Variants in ACOXL observed in about 807,000 individuals in gnomAD.
The protein encoded by ACOXL is acyl-coenzyme A oxidase-like protein.
A neutral mutation model predicts 71.9 loss-of-function variants in ACOXL; 70 were observed. The observed-to-expected ratio is 0.97, with a 90% CI of 0.80 to 1.19. The LOEUF is 1.19. Ranked by LOEUF, ACOXL falls within the 50% of genes most tolerant of loss-of-function variation. The probability of loss-of-function intolerance (pLI) is 0.00; values close to 1 mark genes in which losing one functional copy is unlikely to be tolerated. For missense variants in ACOXL, 703 were observed against 736.3 expected, an observed-to-expected ratio of 0.95 and a Z score of 0.52; for synonymous variants, 253 against 281.6, an observed-to-expected ratio of 0.90 and a Z score of 1.02.
At chr2:110,788,707 C>G (rs1346828632) in intron 3 of ACOXL, among the ~76,000 whole-genome samples, 1 of 152,184 alleles carries the variant, frequency 6.6e-6, no homozygotes, top group Non-Finnish European at 1.5e-5. Context: ...TCCCACACAT[C>G]AGTAATTGTG....
intron 9 of ACOXL, among the ~76,000 whole-genome samples, chr2:110,826,725 A>G (rs1370751124): frequency 6.9e-6 from 1 of 145,540 alleles, no homozygotes; most frequent in South Asian, 2.2e-4. Context: ...AGATTTGGAG[A>G]TGTTGTTTTG....
At chr2:110,954,131 A>G (rs1456225514) in intron 12 of ACOXL, among the ~76,000 whole-genome samples, 1 of 152,256 alleles carries the variant, frequency 6.6e-6, no homozygotes, top group Non-Finnish European at 1.5e-5. Context: ...GACTCCCTTT[A>G]TCAATAGCAA....
At chr2:111,086,472 A>C (rs1420220674) in intron 16 of ACOXL, among the ~76,000 whole-genome samples, 1 of 152,212 alleles carries the variant, frequency 6.6e-6, no homozygotes, top group African/African-American at 2.4e-5. Flanking sequence ...CCATATGATT[A>C]TCTCAGTAGA....
At chr2:110,935,329 C>G (rs2060621857) in intron 12 of ACOXL, among the ~76,000 whole-genome samples, 1 of 152,174 alleles carries the variant, frequency 6.6e-6, no homozygotes, top group Admixed American at 6.5e-5. Context: ...CTCTCACCCC[C>G]AGGCCTTCAT....
chr2:110,934,504 G>A (rs2060591446), intron 12 of ACOXL, among the ~76,000 whole-genome samples: 2 of 152,240 alleles, frequency 1.3e-5, no homozygotes, highest in Admixed American at 6.5e-5. Context: ...CTCTGAACAT[G>A]AAGGGGAAGA....
At chr2:110,866,131 C>T (rs758268884) in intron 10 of ACOXL, among the ~76,000 whole-genome samples, 3 of 152,138 alleles carry the variant, frequency 2.0e-5, no homozygotes, top group Non-Finnish European at 4.4e-5. Context: ...TGTGGCGTGC[C>T]GTGTGCCTCA....
At chr2:110,792,871 C>T (rs1229132803) in intron 3 of ACOXL, among the ~76,000 whole-genome samples, 1 of 152,208 alleles carries the variant, frequency 6.6e-6, no homozygotes, top group African/African-American at 2.4e-5. Flanking sequence ...ACTGAATCCT[C>T]ATGGTCACTA....
At chr2:110,894,104 C>A (rs920454903) in intron 10 of ACOXL, among the ~76,000 whole-genome samples, 2 of 152,020 alleles carry the variant, frequency 1.3e-5, no homozygotes, top group African/African-American at 2.4e-5. Flanking sequence ...ATATTTGAAA[C>A]CTGCAATAGA....
chr2:110,963,687 G>A, intron 12 of ACOXL: 1 of 1,613,762 alleles, frequency 6.2e-7, no homozygotes, highest in Non-Finnish European at 8.5e-7. Context: ...TGCCACTTTT[G>A]AAGGTGACGA....
intron 16 of ACOXL, among the ~76,000 whole-genome samples, chr2:111,064,041 T>C (rs554104856): frequency 1.3e-5 from 2 of 152,370 alleles, no homozygotes; most frequent in East Asian, 3.9e-4. Flanking sequence ...CGTTCATTCA[T>C]TGTATTTCTA....
chr2:111,026,070 A>T (rs192967307), intron 14 of ACOXL, among the ~76,000 whole-genome samples: 1 of 152,304 alleles, frequency 6.6e-6, no homozygotes, highest in African/African-American at 2.4e-5. Flanking sequence ...AGTAGACCAT[A>T]TACATATGTG....
chr2:110,734,051 A>G (rs190312061), intron 1 of ACOXL, among the ~76,000 whole-genome samples: 1 of 152,344 alleles, frequency 6.6e-6, no homozygotes, highest in Admixed American at 6.5e-5. Context: ...CTTTCTATTA[A>G]GACAGACAGT....
intron 10 of ACOXL, among the ~76,000 whole-genome samples, chr2:110,847,047 T>C (rs1691988947): frequency 6.6e-6 from 1 of 152,178 alleles, no homozygotes; most frequent in Non-Finnish European, 1.5e-5. Flanking sequence ...CATTCCCCAC[T>C]GTTTGGCTTG....
At chr2:110,968,553 T>G (rs1442492735) in intron 12 of ACOXL, 1 of 1,060,940 alleles carries the variant, frequency 9.4e-7, no homozygotes, top group Non-Finnish European at 1.4e-6. Context: ...AGGAGATGTA[T>G]AAGAAAGCTC....
chr2:110,883,287 T>G (rs561124985), intron 10 of ACOXL, among the ~76,000 whole-genome samples: 23 of 152,062 alleles, frequency 1.5e-4, no homozygotes, highest in Non-Finnish European at 2.6e-4. Flanking sequence ...TTTTTGTATT[T>G]TTAGTGGAGA....
intron 12 of ACOXL, among the ~76,000 whole-genome samples, chr2:110,956,128 T>C (rs987198720): frequency 4.0e-5 from 6 of 151,884 alleles, no homozygotes; most frequent in African/African-American, 9.7e-5. Flanking sequence ...AGAGACGGGT[T>C]TGTTGGTCAG....
chr2:110,969,704 G>A (rs528855121), intron 12 of ACOXL, among the ~76,000 whole-genome samples: 64 of 151,990 alleles, frequency 4.2e-4, no homozygotes, highest in African/African-American at 1.5e-3. Flanking sequence ...CCAGCTTCTC[G>A]GGAAGCTGAG....
intron 12 of ACOXL, among the ~76,000 whole-genome samples, chr2:110,972,946 A>G (rs1405016944): frequency 1.3e-5 from 2 of 152,264 alleles, no homozygotes; most frequent in Non-Finnish European, 2.9e-5. Flanking sequence ...CGTTCAGCAT[A>G]AACCACATTA....
At position 111,041,175 on chromosome 2, in the gene ACOXL, C is replaced by T. The variant is rs559345000; in HGVS notation, c.1370-8043C>T. Reference sequence around the variant, plus strand: ...CTTGGACGTGTGGCGCATGCATGACCTGGGGCCACACATGCAGATGCCGAG... The same window carrying T: ...CTTGGACGTGTGGCGCATGCATGACTTGGGGCCACACATGCAGATGCCGAG... On this transcript the variant is annotated intron_variant, in intron 15 of 17. Transcript: ENST00000439055. 2.0e-5 allele frequency among the ~76,000 whole-genome samples: 3 copies of T among 152,226 alleles called. No homozygotes were observed. In the East Asian group the frequency reaches 5.8e-4, roughly 30 times the overall value.
Sources: allele counts gnomAD v4.1 joint callset (sites outside exome capture counted in the v4.1 genomes callset), GRCh38; gene constraint gnomAD v4.1.1; transcripts MANE v1.5; gene names NCBI Gene and HGNC (gene_info 2026-07-23, HGNC 2026-07-21).